The following FBXL17 variants were observed in gnomAD, a reference collection of about 807,000 sequenced individuals.
The protein encoded by FBXL17 is F-box and leucine rich repeat protein 17, also known as F-box/LRR-repeat protein 17.
FBXL17 carries 22 observed loss-of-function variants against 66.2 expected under a neutral mutation model. The ratio of observed to expected loss-of-function variants is 0.33; its 90% CI spans 0.24 to 0.47. The LOEUF is 0.47. Among genes scored for constraint, FBXL17 ranks in the 20% least tolerant of loss-of-function variants. The pLI is 1.00. For synonymous variants in FBXL17, 474 were observed against 400.5 expected (o/e 1.18, Z -2.19); for missense variants, 878 against 948.2 (o/e 0.93, Z 0.97).
chr5:108,014,010 G>A (rs288180), intron 7 of FBXL17, among the ~76,000 whole-genome samples: 26,570 of 151,858 alleles, frequency 0.17, 2,561 homozygotes, highest in South Asian at 0.4. Context: ...ACTGATAATC[G>A]TCAATAATAA....
At position 108,302,726 on chromosome 5, in the gene FBXL17, G is replaced by T. The variant is rs183015823; in HGVS notation, c.1506+45673C>A. ...TCAGCCACTGACAGTTATCCTTTATGTATACACTAATAGTTTTTCAATAAT... is the reference window on the plus strand; with the variant it reads ...TCAGCCACTGACAGTTATCCTTTATTTATACACTAATAGTTTTTCAATAAT... On this transcript the variant is annotated intron_variant, in intron 4 of 8. Transcript: ENST00000542267. 3.6e-4 allele frequency among the ~76,000 whole-genome samples: 55 copies of T among 151,716 alleles called. No individual in the cohort carries two copies. In the East Asian group the frequency reaches 9.1e-3, roughly 25 times the overall value.
intron 4 of FBXL17, among the ~76,000 whole-genome samples, chr5:108,273,415 A>G (rs1017229575): frequency 6.6e-6 from 1 of 151,858 alleles, no homozygotes; most frequent in Non-Finnish European, 1.5e-5. Context: ...ACTGAGGCCT[A>G]TTACTGGAAA....
chr5:108,090,497 T>C (rs898537324), intron 6 of FBXL17, among the ~76,000 whole-genome samples: 1 of 152,200 alleles, frequency 6.6e-6, no homozygotes, highest in Non-Finnish European at 1.5e-5. Flanking sequence ...AAAAGCTTGA[T>C]AGTAAATAAT....
chr5:108,000,470 A>G (rs1018140181), intron 7 of FBXL17, among the ~76,000 whole-genome samples: 9 of 152,216 alleles, frequency 5.9e-5, no homozygotes, highest in African/African-American at 2.2e-4. Flanking sequence ...ACCAAGGAAA[A>G]TCCAGTCTGT....
At chr5:108,232,453 T>C (rs1028639494) in intron 4 of FBXL17, among the ~76,000 whole-genome samples, 4 of 152,022 alleles carry the variant, frequency 2.6e-5, no homozygotes, top group African/African-American at 9.7e-5. Flanking sequence ...ATACAAAGTA[T>C]TGGTCCTGGG....
At chr5:108,115,029 C>A (rs1750188079) in intron 6 of FBXL17, among the ~76,000 whole-genome samples, 1 of 152,092 alleles carries the variant, frequency 6.6e-6, no homozygotes, top group Non-Finnish European at 1.5e-5. Context: ...TCATAATCCC[C>A]AAGCAATTTT....
chr5:108,121,430 G>C (rs1750493720), intron 6 of FBXL17, among the ~76,000 whole-genome samples: 1 of 152,054 alleles, frequency 6.6e-6, no homozygotes, highest in Admixed American at 6.5e-5. Context: ...ACAAAGTCTT[G>C]ACAAAAATGT....
chr5:108,125,436 A>G (rs1002854625), intron 6 of FBXL17, among the ~76,000 whole-genome samples: 3 of 152,076 alleles, frequency 2.0e-5, no homozygotes, highest in Admixed American at 1.3e-4. Context: ...AGAAGAATCA[A>G]TAAAAGTAGG....
Position 107,861,565 on chromosome 5 carries a change from T to C in FBXL17, c.*155A>G. ...CTTGGGAACAAATGACAACTGCACT[T>C]TTGGTATGCAGTATGCAAACAAGAC... On this transcript the variant is annotated 3_prime_UTR_variant, in exon 9 of 9. Transcript: ENST00000542267. 1.7e-6 allele frequency: 1 copy of C among 598,498 alleles called. No individual in the cohort carries two copies. Among genetic ancestry groups the C allele is most frequent in the Non-Finnish European group, 2.4e-6 (1 of 409,308 alleles). The allele number at this position is 598,498 out of a possible 1,614,324, so 37.1% of individuals were successfully genotyped here.
chr5:108,336,316 G>A (rs1760381277), intron 4 of FBXL17, among the ~76,000 whole-genome samples: 1 of 152,048 alleles, frequency 6.6e-6, no homozygotes, highest in Non-Finnish European at 1.5e-5. Flanking sequence ...GTACCAAGAA[G>A]CAAATATTTA....
intron 5 of FBXL17, among the ~76,000 whole-genome samples, chr5:108,216,092 T>C (rs1580631184): frequency 6.6e-6 from 1 of 152,186 alleles, no homozygotes; most frequent in Non-Finnish European, 1.5e-5. Flanking sequence ...TTTTGGTTCT[T>C]ATAGCTCTGT....
chr5:108,246,169 C>G (rs973727105), intron 4 of FBXL17, among the ~76,000 whole-genome samples: 9 of 152,068 alleles, frequency 5.9e-5, no homozygotes, highest in African/African-American at 2.2e-4. Flanking sequence ...AATCTCTCCC[C>G]CCTCCTCATA....
intron 6 of FBXL17, among the ~76,000 whole-genome samples, chr5:108,029,282 G>C (rs1754942971): frequency 6.6e-6 from 1 of 152,106 alleles, no homozygotes; most frequent in South Asian, 2.1e-4. Flanking sequence ...AAAAAGTGTA[G>C]GCAGTGGGAA....
At chr5:108,094,685 T>C (rs768597562) in intron 6 of FBXL17, among the ~76,000 whole-genome samples, 1 of 152,134 alleles carries the variant, frequency 6.6e-6, no homozygotes, top group East Asian at 1.9e-4. Context: ...TGAAAATAGA[T>C]TCCTTTCAAA....
intron 7 of FBXL17, among the ~76,000 whole-genome samples, chr5:107,920,438 T>G (rs1412342254): frequency 2.0e-5 from 3 of 152,158 alleles, no homozygotes; most frequent in Non-Finnish European, 2.9e-5. Flanking sequence ...AGTATAGGAA[T>G]TCCGAATCTT....
At chr5:108,012,132 A>T (rs1754200149) in intron 7 of FBXL17, among the ~76,000 whole-genome samples, 3 of 152,200 alleles carry the variant, frequency 2.0e-5, no homozygotes, top group Admixed American at 2.0e-4. Context: ...TTGCAAATTA[A>T]CTAAAACCTG....
At chr5:108,292,121 A>C (rs913171201) in intron 4 of FBXL17, among the ~76,000 whole-genome samples, 4 of 148,706 alleles carry the variant, frequency 2.7e-5, no homozygotes, top group African/African-American at 1.0e-4. Flanking sequence ...ATAGCAACGA[A>C]AAAGCTTTTT....
intron 6 of FBXL17, among the ~76,000 whole-genome samples, chr5:108,081,815 T>C (rs1319619122): frequency 6.6e-6 from 1 of 152,126 alleles, no homozygotes; most frequent in East Asian, 1.9e-4. Context: ...CACACATAAA[T>C]GTCCAAGTCA....
chr5:108,014,898 C>G (rs772614067), intron 7 of FBXL17, among the ~76,000 whole-genome samples: 1 of 152,002 alleles, frequency 6.6e-6, no homozygotes, highest in Non-Finnish European at 1.5e-5. Flanking sequence ...AGAATGAGAG[C>G]CAAATGAACA....
Sources: allele counts gnomAD v4.1 joint callset (sites outside exome capture counted in the v4.1 genomes callset), GRCh38; gene constraint gnomAD v4.1.1; transcripts MANE v1.5; gene names NCBI Gene and HGNC (gene_info 2026-07-23, HGNC 2026-07-21).